The following SULF2 variants were observed in gnomAD, a reference collection of about 807,000 sequenced individuals.
The protein encoded by SULF2 is sulfatase 2.
SULF2 carries 52 observed loss-of-function variants against 107.7 expected under a neutral mutation model. The observed-to-expected ratio is 0.48, with a 90% CI of 0.39 to 0.61. The LOEUF (loss-of-function observed/expected upper bound fraction) is 0.61. Ranked by LOEUF, SULF2 falls within the 20% of genes least tolerant of loss-of-function variation. The probability of loss-of-function intolerance (pLI) is 0.00; values close to 1 mark genes in which losing one functional copy is unlikely to be tolerated. For missense variants in SULF2, 993 were observed against 1,177.3 expected (o/e 0.84, Z 2.29); for synonymous variants, 460 against 464.3 (o/e 0.99, Z 0.12).
intron 3 of SULF2, among the ~76,000 whole-genome samples, chr20:47,726,909 G>C (rs953122602): frequency 6.6e-6 from 1 of 152,258 alleles, no homozygotes; most frequent in Non-Finnish European, 1.5e-5. Context: ...GAGATTCCTT[G>C]AGAGAAACCA....
At chr20:47,674,939 C>A (rs2087593332) in intron 10 of SULF2, among the ~76,000 whole-genome samples, 1 of 152,156 alleles carries the variant, frequency 6.6e-6, no homozygotes. Context: ...GGGTCGGGGG[C>A]CGTGGGTTGC....
chr20:47,767,273 A>G (rs950253846), intron 1 of SULF2, among the ~76,000 whole-genome samples: 17 of 152,222 alleles, frequency 1.1e-4, no homozygotes, highest in South Asian at 1.0e-3. Context: ...GCAAGTGCCC[A>G]ATAAATGCTG....
intron 3 of SULF2, among the ~76,000 whole-genome samples, chr20:47,725,552 G>A (rs925125423): frequency 2.0e-5 from 3 of 152,172 alleles, no homozygotes; most frequent in Non-Finnish European, 2.9e-5. Context: ...CCTAGGGGGC[G>A]GTGTGCTCCC....
chr20:47,684,406 C>G (rs1489785072), intron 6 of SULF2, 25 bp downstream of exon 6: 1 of 1,590,576 alleles, frequency 6.3e-7, no homozygotes, highest in South Asian at 1.1e-5. Context: ...CCACGCCCAC[C>G]AAGAGGCATG....
chr20:47,658,945 G>A (rs1483536095), intron 20 of SULF2, among the ~76,000 whole-genome samples: 1 of 152,228 alleles, frequency 6.6e-6, no homozygotes, highest in African/African-American at 2.4e-5. Context: ...CTTTAGAATA[G>A]AGGTGAACTT....
chr20:47,728,693 C>CA (rs1325136601), intron 3 of SULF2, among the ~76,000 whole-genome samples: 1 of 152,170 alleles, frequency 6.6e-6, no homozygotes, highest in Non-Finnish European at 1.5e-5. Context: ...ACCCAAGCGA[C>CA]AGAGTGTAGT....
chr20:47,750,990 GCCCCTCCTGGCTT>G (rs1022298281), intron 2 of SULF2, among the ~76,000 whole-genome samples: 1 of 152,124 alleles, frequency 6.6e-6, no homozygotes, highest in East Asian at 1.9e-4. Context: ...CTGGTTGATC[GCCCCTCCTGGCTT>G]CCCCTCCTGG....
intron 4 of SULF2, among the ~76,000 whole-genome samples, chr20:47,701,110 T>C (rs2146592603): frequency 6.6e-6 from 1 of 152,334 alleles, no homozygotes; most frequent in Non-Finnish European, 1.5e-5. Context: ...CCATGAGTTG[T>C]TGAATGAATA....
intron 1 of SULF2, among the ~76,000 whole-genome samples, chr20:47,764,378 G>C (rs1438674702): frequency 6.6e-6 from 1 of 151,912 alleles, no homozygotes; most frequent in African/African-American, 2.4e-5. Flanking sequence ...GCTTAACAAA[G>C]AATTATCTCC....
In SULF2 at chr20:47,678,315, G is replaced by A. The variant is rs367691258; in HGVS notation, c.1193+361C>T. 5.6e-6 allele frequency: 1 copy of A among 177,276 alleles called. No homozygotes were observed. The allele number at this position is 177,276 out of a possible 1,614,324, so 11.0% of individuals were successfully genotyped here. On this transcript the variant is annotated intron_variant, in intron 8 of 20. Transcript: ENST00000688720. The surrounding 1 kb of genome is among the most constrained non-coding windows in gnomAD (Gnocchi z 4.5). ...ATAATGTCCACCTCGCTGGGTTACTGTGAGGATCAAATTCCTAGATTTCCC... is the reference window on the plus strand; with the variant it reads ...ATAATGTCCACCTCGCTGGGTTACTATGAGGATCAAATTCCTAGATTTCCC...
chr20:47,760,275 G>A (rs966249842), intron 1 of SULF2, among the ~76,000 whole-genome samples: 3 of 152,160 alleles, frequency 2.0e-5, no homozygotes, highest in Non-Finnish European at 4.4e-5. Flanking sequence ...CGGTCGGCAC[G>A]TCCCTGCTCT....
At chr20:47,747,935 G>A (rs1013215907) in intron 2 of SULF2, among the ~76,000 whole-genome samples, 4 of 152,010 alleles carry the variant, frequency 2.6e-5, no homozygotes, top group Admixed American at 2.0e-4. Flanking sequence ...GCAGTGCCCC[G>A]TCCTGCTCCG....
At chr20:47,764,059 C>G (rs1301250386) in intron 1 of SULF2, among the ~76,000 whole-genome samples, 2 of 152,220 alleles carry the variant, frequency 1.3e-5, no homozygotes, top group Non-Finnish European at 2.9e-5. Context: ...CTAGCACAGC[C>G]CACCCCAGGG....
intron 3 of SULF2, among the ~76,000 whole-genome samples, chr20:47,713,018 G>GT (rs11412421): frequency 0.034 from 5,112 of 152,130 alleles, 241 homozygotes; most frequent in African/African-American, 0.1. Context: ...TCCAGCCTGG[G>GT]TAACAGAGCC....
intron 19 of SULF2, 103 bp downstream of exon 19, chr20:47,659,594 G>A: frequency 7.4e-7 from 1 of 1,355,504 alleles, no homozygotes; most frequent in Non-Finnish European, 1.1e-6. Context: ...CCAGAGGGAA[G>A]GGCAGTTTCT....
At chr20:47,775,636 A>G (rs1220096919) in intron 1 of SULF2, among the ~76,000 whole-genome samples, 1 of 152,214 alleles carries the variant, frequency 6.6e-6, no homozygotes. Context: ...GGAGGAGAAC[A>G]TCATTCATTC....
intron 2 of SULF2, among the ~76,000 whole-genome samples, chr20:47,743,073 G>T: frequency 6.6e-6 from 1 of 151,120 alleles, no homozygotes; most frequent in East Asian, 1.9e-4. Flanking sequence ...GGGTGATTTT[G>T]ATGTATAACT....
At position 47,678,615 on chromosome 20, in the gene SULF2, C is replaced by T; in HGVS notation, c.1193+61G>A. 1 of 1,600,382 alleles carries T rather than the reference C, an allele frequency of 6.2e-7. No individual in the cohort carries two copies. The highest frequency in any genetic ancestry group is 8.5e-7 in the Non-Finnish European group (1 of 1,172,256). On this transcript the variant is annotated intron_variant, in intron 8 of 20. Coordinates refer to ENST00000688720, the MANE Select transcript of SULF2 (RefSeq NM_001387048.1). The surrounding 1 kb of genome is among the most constrained non-coding windows in gnomAD (Gnocchi z 4.5). ...CACGTTCTAGACCCACAGGGTTTTG[C>T]TCTGAGTTCCCGCAGGTCAATGTCC...
chr20:47,659,270 T>G lies in SULF2; in HGVS notation c.2582+129A>C, dbSNP rs1007457194. 5 of 782,964 alleles carry G rather than the reference T, an allele frequency of 6.4e-6. No individual in the cohort carries two copies. In the African/African-American group the frequency reaches 6.9e-5, roughly 11 times the overall value. The allele number at this position is 782,964 out of a possible 1,614,324, so 48.5% of individuals were successfully genotyped here. Reference sequence around the variant, plus strand: ...TTAGGGAAAGATGTGCATTAGTACTTCCCCCCCACCCTCATCATGAGAACA... The same window carrying G: ...TTAGGGAAAGATGTGCATTAGTACTGCCCCCCCACCCTCATCATGAGAACA... On this transcript the variant is annotated intron_variant, in intron 20 of 20. Transcript: ENST00000688720.
Sources: allele counts gnomAD v4.1 joint callset (sites outside exome capture counted in the v4.1 genomes callset), GRCh38; gene constraint gnomAD v4.1.1; non-coding constraint Gnocchi (gnomAD v3.1); transcripts MANE v1.5; gene names NCBI Gene and HGNC (gene_info 2026-07-23, HGNC 2026-07-21).